TGFBR3: variants seen among roughly 807,000 people sequenced by gnomAD.
TGFBR3 encodes transforming growth factor beta receptor 3.
A neutral mutation model predicts 87.9 loss-of-function variants in TGFBR3; 46 were observed. The ratio of observed to expected loss-of-function variants is 0.52; its 90% CI spans 0.41 to 0.67. TGFBR3 has a LOEUF of 0.67. Among genes scored for constraint, TGFBR3 ranks in the 30% least tolerant of loss-of-function variants. TGFBR3 has a pLI of 0.00. For synonymous variants in TGFBR3, 381 were observed against 391.6 expected, an observed-to-expected ratio of 0.97 and a Z score of 0.32; for missense variants, 866 against 1,041.9, an observed-to-expected ratio of 0.83 and a Z score of 2.32.
chr1:91,883,773 A>C (rs1241153183), intron 1 of TGFBR3, among the ~76,000 whole-genome samples: 1 of 150,812 alleles, frequency 6.6e-6, no homozygotes, highest in African/African-American at 2.4e-5. Flanking sequence ...GTCAAACTGA[A>C]GGGCCAAAAA....
At chr1:91,850,138 T>C (rs970300935) in intron 2 of TGFBR3, among the ~76,000 whole-genome samples, 1 of 150,802 alleles carries the variant, frequency 6.6e-6, no homozygotes, top group Non-Finnish European at 1.5e-5. Context: ...AAACTCATTA[T>C]TTGCACTAAC....
chr1:91,692,745 C>A (rs1671307873), intron 16 of TGFBR3, among the ~76,000 whole-genome samples: 1 of 152,126 alleles, frequency 6.6e-6, no homozygotes, highest in African/African-American at 2.4e-5. Flanking sequence ...TCTTATTGTG[C>A]CCAGAGTTGT....
In TGFBR3 at chr1:91,778,174, A is replaced by AAC. The variant is rs77897332; in HGVS notation, c.246+19111_246+19112dup. Among the ~76,000 whole-genome samples, 3 of 151,878 alleles carry AAC rather than the reference A, an allele frequency of 2.0e-5. No homozygotes were observed. In the South Asian group the frequency reaches 6.2e-4, roughly 32 times the overall value. ...TAATCTAGGTTAAAAAAAAAAAAAA[A>AAC]ACACACATAAGAAGACATGAGACAC... On this transcript the variant is annotated intron_variant, in intron 3 of 16. Coordinates refer to ENST00000212355, the MANE Select transcript of TGFBR3 (RefSeq NM_003243.5).
At chr1:91,768,212 CAAAAAAA>C (rs3039442) in intron 3 of TGFBR3, among the ~76,000 whole-genome samples, 4 of 127,420 alleles carry the variant, frequency 3.1e-5, no homozygotes, top group Non-Finnish European at 4.9e-5. Flanking sequence ...AACTCCATCT[CAAAAAAA>C]AAAAAAAAAT....
Position 91,683,007 on chromosome 1 carries a change from A to C in TGFBR3, c.*732T>G, listed in dbSNP as rs985375547. On this transcript the variant is annotated 3_prime_UTR_variant, in exon 17 of 17. Coordinates refer to ENST00000212355, the MANE Select transcript of TGFBR3 (RefSeq NM_003243.5). ...TTTTCAATTTCTGTAGGCCTGTAAG[A>C]AATACAAAATTTGCATTAAGACATT... is the stretch of plus-strand genomic sequence containing the variant. 2.2e-6 allele frequency: 1 copy of C among 454,550 alleles called. No individual in the cohort carries two copies. Among genetic ancestry groups the C allele is most frequent in the East Asian group, 7.0e-5 (1 of 14,388 alleles). The allele number at this position is 454,550 out of a possible 1,614,324, so 28.2% of individuals were successfully genotyped here. A position where few individuals can be genotyped will look rare whatever the true frequency, so the allele number is the denominator to read the frequency against.
chr1:91,788,593 G>A (rs551702596), intron 3 of TGFBR3, among the ~76,000 whole-genome samples: 3 of 152,296 alleles, frequency 2.0e-5, no homozygotes, highest in South Asian at 4.1e-4. Flanking sequence ...TTAAATCAGC[G>A]ATTAGCAGTT....
At chr1:91,816,290 C>A (rs770085837) in intron 2 of TGFBR3, among the ~76,000 whole-genome samples, 2 of 152,182 alleles carry the variant, frequency 1.3e-5, no homozygotes, top group Non-Finnish European at 2.9e-5. Context: ...TCAGAAACTA[C>A]CAGAGGCCAA....
At chr1:91,776,907 T>A (rs567654328) in intron 3 of TGFBR3, among the ~76,000 whole-genome samples, 24 of 152,266 alleles carry the variant, frequency 1.6e-4, no homozygotes, top group African/African-American at 5.8e-4. Context: ...AAGCTCAGGT[T>A]TTGCTCCCCA....
chr1:91,763,919 T>C (rs1674067163), intron 3 of TGFBR3, among the ~76,000 whole-genome samples: 1 of 152,232 alleles, frequency 6.6e-6, no homozygotes, highest in Non-Finnish European at 1.5e-5. Flanking sequence ...TGCTTGTCCT[T>C]CACCATTTGG....
rs17881905 is a variant in TGFBR3 at position 91,758,628 on chromosome 1, G to A, written c.369C>T (p.Val123=). The change falls in exon 4 of 17, where the codon GTC becomes GTT. Residue 123 remains valine, a synonymous_variant. Coordinates refer to ENST00000212355, the MANE Select transcript of TGFBR3 (RefSeq NM_003243.5). ...AAGCACTTACCAAAAACAGTCTGGA[G>A]ACCCCAGTGGCAAGTCTCTCTGTCT... ...HLKTERLATG[V]SRLFLVSEGS... is the part of the protein sequence containing the mutation. 1 of 1,613,872 alleles carries A rather than the reference G, an allele frequency of 6.2e-7. No homozygotes were observed. The highest frequency in any genetic ancestry group is 8.5e-7 in the Non-Finnish European group (1 of 1,179,928).
intron 1 of TGFBR3, among the ~76,000 whole-genome samples, chr1:91,884,239 G>A (rs1679207395): frequency 6.6e-6 from 1 of 151,580 alleles, no homozygotes; most frequent in African/African-American, 2.4e-5. Flanking sequence ...AGAAACTCTT[G>A]AACCCGGGAG....
chr1:91,763,262 T>C (rs1175649793), intron 3 of TGFBR3, among the ~76,000 whole-genome samples: 6 of 152,186 alleles, frequency 3.9e-5, no homozygotes, highest in Non-Finnish European at 5.9e-5. Context: ...CTGGGGTTCA[T>C]TAAAACGAAC....
intron 4 of TGFBR3, among the ~76,000 whole-genome samples, chr1:91,753,019 C>T (rs367941747): frequency 2.0e-5 from 3 of 148,798 alleles, no homozygotes; most frequent in African/African-American, 5.0e-5. Flanking sequence ...AGAGCCAGAC[C>T]CTCTCTCAAA....
intron 2 of TGFBR3, among the ~76,000 whole-genome samples, chr1:91,895,502 A>G (rs2101339531): frequency 6.6e-6 from 1 of 152,092 alleles, no homozygotes; most frequent in Middle Eastern, 3.4e-3. Context: ...TTATTTTTTT[A>G]GAGAGATGGG....
chr1:91,787,943 G>GAAAAAAAAAAAAAAAAAAA (rs111981257), intron 3 of TGFBR3, among the ~76,000 whole-genome samples: 3 of 133,314 alleles, frequency 2.3e-5, no homozygotes, highest in Admixed American at 7.4e-5. Context: ...GTCTCACGGG[G>GAAAAAAAAAAAAAAAAAAA]AAAAAAAAAA....
chr1:91,720,139 C>A lies in TGFBR3; in HGVS notation c.1167G>T (p.Pro389=). 6.2e-7 allele frequency: 1 copy of A among 1,613,938 alleles called. No individual in the cohort carries two copies. Among genetic ancestry groups the A allele is most frequent in the South Asian group, 1.1e-5 (1 of 91,068 alleles). ...DPGALPALQN[P]PIRGGEGQNG... ...TTTGGCCTTCCCCTCCCCGGATGGG[C>A]GGGTTCTGCAGGGCAGGCAGGGCAC... is the stretch of plus-strand genomic sequence containing the variant. Residue 389 remains proline, a synonymous_variant, in exon 9 of 17, where the codon CCG becomes CCT. Coordinates refer to ENST00000212355, the MANE Select transcript of TGFBR3 (RefSeq NM_003243.5).
intron 2 of TGFBR3, among the ~76,000 whole-genome samples, chr1:91,858,514 T>C (rs565137526): frequency 2.5e-4 from 36 of 145,544 alleles, no homozygotes; most frequent in Non-Finnish European, 3.0e-4. Context: ...ACTCGGGAGG[T>C]TGAGGCAGGA....
chr1:91,729,131 A>G (rs919191711), intron 6 of TGFBR3, among the ~76,000 whole-genome samples: 17 of 129,206 alleles, frequency 1.3e-4, no homozygotes, highest in South Asian at 2.7e-4. Context: ...GTATGTCACC[A>G]TGGAGGGCCA....
chr1:91,723,308 C>G (rs963841491), intron 7 of TGFBR3, among the ~76,000 whole-genome samples: 6 of 151,472 alleles, frequency 4.0e-5, no homozygotes, highest in African/African-American at 1.5e-4. Flanking sequence ...ACAGGAAGAT[C>G]CCATCTCTAC....
Sources: gnomAD v4.1 joint callset for allele counts (sites outside exome capture counted in the v4.1 genomes callset) on GRCh38, gnomAD v4.1.1 for gene constraint, MANE v1.5 for transcripts, NCBI Gene and HGNC (gene_info 2026-07-23, HGNC 2026-07-21) for gene names.